SLC35F1: variants seen among roughly 807,000 people sequenced by gnomAD.
The protein encoded by SLC35F1 is solute carrier family 35 member F1, also known as chromosome 6 open reading frame 169.
Under a neutral mutation model 48.7 loss-of-function variants are expected in SLC35F1, and 14 were observed. The ratio of observed to expected loss-of-function variants is 0.29; its 90% CI spans 0.19 to 0.45. The LOEUF (loss-of-function observed/expected upper bound fraction) is 0.45. SLC35F1 is among the 20% of genes least tolerant of loss of function. The pLI, the probability that SLC35F1 is intolerant of heterozygous loss-of-function variation, is 1.00. For synonymous variants in SLC35F1, 190 were observed against 202.2 expected (o/e 0.94, Z 0.51); for missense variants, 404 against 500.0 (o/e 0.81, Z 1.83).
At chr6:118,104,096 C>G (rs980598671) in intron 1 of SLC35F1, among the ~76,000 whole-genome samples, 5 of 150,792 alleles carry the variant, frequency 3.3e-5, no homozygotes, top group Non-Finnish European at 7.4e-5. Context: ...TTTCTTCCCT[C>G]CCCTTCCCTT....
chr6:118,051,583 A>G (rs1582639728), intron 1 of SLC35F1, among the ~76,000 whole-genome samples: 1 of 152,210 alleles, frequency 6.6e-6, no homozygotes, highest in Non-Finnish European at 1.5e-5. Context: ...GGGTGGGGTT[A>G]TGAAAAAATG....
chr6:118,173,385 T>TAAAAAAAAAAA (rs571653145), intron 2 of SLC35F1, among the ~76,000 whole-genome samples: 1 of 129,306 alleles, frequency 7.7e-6, no homozygotes, highest in African/African-American at 3.3e-5. Context: ...AAGAGTTAGT[T>TAAAAAAAAAAA]AAAAAAAAAA....
chr6:117,956,906 C>G (rs2114831873), intron 1 of SLC35F1, among the ~76,000 whole-genome samples: 1 of 152,306 alleles, frequency 6.6e-6, no homozygotes, highest in East Asian at 1.9e-4. Context: ...TTTGTCATAA[C>G]TCTTACCATC....
rs1775964775 is a variant in SLC35F1 at position 117,923,729 on chromosome 6, A to ACACG, written c.173+15830_173+15831insCACG. Among the ~76,000 whole-genome samples the ACACG allele has an allele frequency of 2.2e-5, 2 of 89,970 alleles. 1 individual carries two copies. Among genetic ancestry groups the ACACG allele is most frequent in the African/African-American group, 8.9e-5 (2 of 22,498 alleles). 59.0% of individuals were successfully genotyped at this position (89,970 alleles called of 152,430 possible). A position where few individuals can be genotyped will look rare whatever the true frequency, so the allele number is the denominator to read the frequency against. Reference sequence around the variant, plus strand: ...TATGTACATATATACATATATACATATGTATATATACATATATGTACATAT... The same window carrying ACACG: ...TATGTACATATATACATATATACATACACGTGTATATATACATATATGTACATAT... On this transcript the variant is annotated intron_variant, in intron 1 of 7. Coordinates refer to ENST00000360388, the MANE Select transcript of SLC35F1 (RefSeq NM_001029858.4).
In SLC35F1 at chr6:118,240,487, G is replaced by A. The variant is rs527495461; in HGVS notation, c.477+4851G>A. 1.1e-3 allele frequency among the ~76,000 whole-genome samples: 160 copies of A among 152,314 alleles called. 1 individual carries two copies. Among genetic ancestry groups the A allele is most frequent in the African/African-American group, 3.7e-3 (154 of 41,570 alleles). On this transcript the variant is annotated intron_variant, in intron 3 of 7. Coordinates refer to ENST00000360388, the MANE Select transcript of SLC35F1 (RefSeq NM_001029858.4). The stretch of plus-strand genomic sequence containing the variant: ...CAAAAGTAATTACTGAATACTTCGT[G>A]TTCAAGACACTGTATTAGGTGGTGA...
chr6:118,158,288 A>C (rs1177229728), intron 2 of SLC35F1, among the ~76,000 whole-genome samples: 1 of 152,230 alleles, frequency 6.6e-6, no homozygotes, highest in South Asian at 2.1e-4. Context: ...TTAATTTTCT[A>C]TAGGCTGATT....
chr6:118,212,606 C>T (rs946796073), intron 2 of SLC35F1, among the ~76,000 whole-genome samples: 2 of 151,940 alleles, frequency 1.3e-5, no homozygotes, highest in African/African-American at 4.8e-5. Context: ...AGAAGAATCG[C>T]TTGACCCTGG....
At chr6:118,262,272 G>C (rs1471573465) in intron 3 of SLC35F1, among the ~76,000 whole-genome samples, 1 of 152,010 alleles carries the variant, frequency 6.6e-6, no homozygotes, top group East Asian at 1.9e-4. Context: ...AGAGAAGCTC[G>C]AGTAGATTTT....
intron 1 of SLC35F1, among the ~76,000 whole-genome samples, chr6:118,138,500 T>G (rs1266420144): frequency 6.6e-6 from 1 of 152,176 alleles, no homozygotes; most frequent in East Asian, 1.9e-4. Flanking sequence ...GGCTGATCTC[T>G]TATTCATTCC....
At chr6:118,274,546 C>A (rs1357149130) in intron 4 of SLC35F1, among the ~76,000 whole-genome samples, 1 of 151,908 alleles carries the variant, frequency 6.6e-6, no homozygotes, top group East Asian at 1.9e-4. Context: ...TACAGGCACC[C>A]GCCACCACAT....
intron 1 of SLC35F1, among the ~76,000 whole-genome samples, chr6:117,997,420 A>G (rs1372804355): frequency 6.6e-6 from 1 of 152,018 alleles, no homozygotes; most frequent in African/African-American, 2.4e-5. Flanking sequence ...GGAAATACAG[A>G]GAACGCCACA....
chr6:118,214,349 G>A (rs1401316760), intron 2 of SLC35F1, among the ~76,000 whole-genome samples: 1 of 151,916 alleles, frequency 6.6e-6, no homozygotes, highest in Non-Finnish European at 1.5e-5. Flanking sequence ...CATGTAGGTG[G>A]GTTTCACTCT....
In SLC35F1 at chr6:118,136,809, T is replaced by C. The variant is rs944877005; in HGVS notation, c.174-17636T>C. On this transcript the variant is annotated intron_variant, in intron 1 of 7. Transcript: ENST00000360388. The stretch of plus-strand genomic sequence containing the variant: ...ATCTCTCTCACTAATATATCTCAGA[T>C]AGCATTGAGAATGCATAGAGGAGAA... 2.0e-5 allele frequency among the ~76,000 whole-genome samples: 3 copies of C among 152,214 alleles called. No individual in the cohort carries two copies. In the East Asian group the frequency reaches 5.8e-4, roughly 29 times the overall value.
intron 3 of SLC35F1, among the ~76,000 whole-genome samples, chr6:118,239,405 A>C (rs1229269526): frequency 6.6e-6 from 1 of 151,806 alleles, no homozygotes; most frequent in Admixed American, 6.6e-5. Flanking sequence ...CTTCACACCA[A>C]AACTGGACCC....
intron 1 of SLC35F1, among the ~76,000 whole-genome samples, chr6:117,957,268 A>C (rs1464908142): frequency 2.0e-5 from 3 of 152,248 alleles, no homozygotes; most frequent in African/African-American, 7.2e-5. Context: ...CATCTCTTCT[A>C]GAAATACCTT....
chr6:118,047,421 G>A (rs113137530), intron 1 of SLC35F1, among the ~76,000 whole-genome samples: 2,211 of 152,184 alleles, frequency 0.015, 61 homozygotes, highest in African/African-American at 0.05. Flanking sequence ...TGTTTCTAGG[G>A]TATTAGGTTT....
chr6:117,974,369 T>C (rs1776680846), intron 1 of SLC35F1, among the ~76,000 whole-genome samples: 1 of 152,214 alleles, frequency 6.6e-6, no homozygotes, highest in Non-Finnish European at 1.5e-5. Context: ...TAAATTTTTA[T>C]TGAATGGATG....
Position 117,999,155 on chromosome 6 carries a change from A to C in SLC35F1, c.173+91256A>C, listed in dbSNP as rs1777046999. 31 of 1,594,334 alleles carry C rather than the reference A, an allele frequency of 1.9e-5. No homozygotes were observed. In the South Asian group the frequency reaches 3.4e-4, roughly 18 times the overall value. On this transcript the variant is annotated intron_variant, in intron 1 of 7. Coordinates refer to ENST00000360388, the MANE Select transcript of SLC35F1 (RefSeq NM_001029858.4). ...GGGCCTAAAGAAGATGCAGGCCAACAATGCCAAGGCCATGAGTGCACGTGC... is the reference window on the plus strand; with the variant it reads ...GGGCCTAAAGAAGATGCAGGCCAACCATGCCAAGGCCATGAGTGCACGTGC...
chr6:117,923,167 A>G (rs1270188235), intron 1 of SLC35F1, among the ~76,000 whole-genome samples: 1 of 152,170 alleles, frequency 6.6e-6, no homozygotes, highest in Non-Finnish European at 1.5e-5. Flanking sequence ...ATACATGACA[A>G]TACAGCCCAA....
Sources: allele counts gnomAD v4.1 joint callset (sites outside exome capture counted in the v4.1 genomes callset), GRCh38; gene constraint gnomAD v4.1.1; transcripts MANE v1.5; gene names NCBI Gene and HGNC (gene_info 2026-07-23, HGNC 2026-07-21).